The following TMEM117 variants were observed in gnomAD, a reference collection of about 807,000 sequenced individuals.
The protein encoded by TMEM117 is transmembrane protein 117.
A neutral mutation model predicts 52.4 loss-of-function variants in TMEM117; 27 were observed. The observed-to-expected ratio is 0.51, with a 90% CI of 0.38 to 0.71. The LOEUF is 0.71. Ranked by LOEUF, TMEM117 falls within the 30% of genes least tolerant of loss-of-function variation. The probability of loss-of-function intolerance (pLI) is 0.00; values close to 1 mark genes in which losing one functional copy is unlikely to be tolerated. For synonymous variants in TMEM117, 215 were observed against 206.3 expected (o/e 1.04, Z -0.36); for missense variants, 556 against 630.5 (o/e 0.88, Z 1.26).
chr12:44,065,159 C>T (rs1311093119), intron 3 of TMEM117, among the ~76,000 whole-genome samples: 1 of 152,044 alleles, frequency 6.6e-6, no homozygotes, highest in Non-Finnish European at 1.5e-5. Flanking sequence ...CTGAGGCGGG[C>T]AGATCACTTG....
At chr12:44,153,127 G>A (rs1408312848) in intron 4 of TMEM117, among the ~76,000 whole-genome samples, 1 of 151,504 alleles carries the variant, frequency 6.6e-6, no homozygotes, top group African/African-American at 2.4e-5. Flanking sequence ...TCATTTTATT[G>A]TATCATTAAC....
In TMEM117 at chr12:44,046,015, G is replaced by A. The variant is rs370106185; in HGVS notation, c.411-97510G>A. ...AGGTGACGATAATTTGCAGGGTTGG[G>A]GCAAAGTTCTCCAGAAGGCCAAGTA... On this transcript the variant is annotated intron_variant, in intron 3 of 7. Transcript: ENST00000266534. Among the ~76,000 whole-genome samples, 121 of 152,262 alleles carry A rather than the reference G, an allele frequency of 7.9e-4. 2 individuals carry two copies. In the South Asian group the frequency reaches 0.024, roughly 30 times the overall value.
intron 5 of TMEM117, among the ~76,000 whole-genome samples, chr12:44,274,198 A>C (rs901744510): frequency 6.6e-6 from 1 of 152,144 alleles, no homozygotes. Context: ...TTAAAAAGTA[A>C]TCCCAGTGGC....
intron 4 of TMEM117, among the ~76,000 whole-genome samples, chr12:44,163,785 T>C (rs1233850594): frequency 2.0e-5 from 3 of 152,234 alleles, no homozygotes; most frequent in Admixed American, 2.0e-4. Context: ...TTCTAAAATA[T>C]AACATCCTAG....
intron 3 of TMEM117, among the ~76,000 whole-genome samples, chr12:43,990,093 A>C (rs938110432): frequency 2.0e-5 from 3 of 152,178 alleles, no homozygotes; most frequent in Admixed American, 6.6e-5. Flanking sequence ...GATCTGCCTT[A>C]GGAAATATTA....
chr12:44,377,447 G>C lies in TMEM117; in HGVS notation c.898+723G>C, dbSNP rs144936016. Among the ~76,000 whole-genome samples the C allele has an allele frequency of 1.9e-4, 29 of 152,258 alleles. 1 individual carries two copies. In the East Asian group the frequency reaches 5.0e-3, roughly 26 times the overall value. On this transcript the variant is annotated intron_variant, in intron 7 of 7. Transcript: ENST00000266534. Reference sequence around the variant, plus strand: ...GTGGCAAAGCTCAGGTTTGTCTTAAGTGATTCTCTTGTGGATCTTCAGATT... The same window carrying C: ...GTGGCAAAGCTCAGGTTTGTCTTAACTGATTCTCTTGTGGATCTTCAGATT...
At chr12:44,035,034 A>G (rs570208287) in intron 3 of TMEM117, among the ~76,000 whole-genome samples, 3 of 152,306 alleles carry the variant, frequency 2.0e-5, no homozygotes, top group South Asian at 4.1e-4. Context: ...AATTTCCACT[A>G]TCAGCTCCCA....
At chr12:43,912,529 A>ATATATC (rs938246430) in intron 2 of TMEM117, among the ~76,000 whole-genome samples, 1 of 147,216 alleles carries the variant, frequency 6.8e-6, no homozygotes, top group African/African-American at 2.6e-5. Flanking sequence ...ATATATATAT[A>ATATATC]TATATATGGC....
intron 4 of TMEM117, among the ~76,000 whole-genome samples, chr12:44,167,527 G>A (rs1321322083): frequency 6.6e-6 from 1 of 152,050 alleles, no homozygotes; most frequent in Non-Finnish European, 1.5e-5. Context: ...AATTAGCTGG[G>A]CATGGTGGCA....
intron 3 of TMEM117, among the ~76,000 whole-genome samples, chr12:44,139,735 T>C (rs1948544312): frequency 6.6e-6 from 1 of 152,150 alleles, no homozygotes. Context: ...ACAAAATAAC[T>C]TTAATTGTGC....
the TMEM117 span, among the ~76,000 whole-genome samples, chr12:44,397,218 C>A: frequency 6.6e-6 from 1 of 152,138 alleles, no homozygotes; most frequent in East Asian, 1.9e-4. Flanking sequence ...ATTTCTGAAA[C>A]AAGAGTGCAA....
intron 3 of TMEM117, among the ~76,000 whole-genome samples, chr12:43,963,832 T>C (rs1049808000): frequency 1.3e-5 from 2 of 152,194 alleles, no homozygotes; most frequent in African/African-American, 4.8e-5. Context: ...TTGGAGAATT[T>C]AATGAACTCC....
rs1263279848 is a variant in TMEM117, at chr12:44,110,003, CTGTT to C, written c.411-33518_411-33515del. 3.0e-3 allele frequency among the ~76,000 whole-genome samples: 281 copies of C among 93,094 alleles called. 3 individuals are homozygous for C. Among genetic ancestry groups the C allele is most frequent in the African/African-American group, 0.015 (261 of 17,868 alleles). The allele number at this position is 93,094 out of a possible 152,430, so 61.1% of individuals were successfully genotyped here. On this transcript the variant is annotated intron_variant, in intron 3 of 7. Coordinates refer to ENST00000266534, the MANE Select transcript of TMEM117 (RefSeq NM_032256.3). ...GGGAGTTCACCCATGATTTGGCTCT[CTGTT>C]TGTCTGTTGTTGGTGTATAAGAATG...
chr12:43,935,617 A>G lies in TMEM117; in HGVS notation c.278-8593A>G, dbSNP rs1289186918. The stretch of plus-strand genomic sequence containing the variant: ...ATAGCAGATTTTGAGCTAATCTCTC[A>G]CTGACAAAGCAAATCATAAATCTCG... On this transcript the variant is annotated intron_variant, in intron 2 of 7. Transcript: ENST00000266534. 2.6e-5 allele frequency among the ~76,000 whole-genome samples: 4 copies of G among 152,196 alleles called. No individual in the cohort carries two copies. In the East Asian group the frequency reaches 7.7e-4, roughly 29 times the overall value.
At chr12:44,071,941 C>A (rs750943363) in intron 3 of TMEM117, among the ~76,000 whole-genome samples, 6 of 152,124 alleles carry the variant, frequency 3.9e-5, no homozygotes, top group Non-Finnish European at 7.4e-5. Context: ...GTTTAGTAAG[C>A]ATCCAGGCTT....
At chr12:44,150,630 A>T (rs1211898519) in intron 4 of TMEM117, among the ~76,000 whole-genome samples, 1 of 152,198 alleles carries the variant, frequency 6.6e-6, no homozygotes, top group Non-Finnish European at 1.5e-5. Context: ...TGAGGGAAGT[A>T]AATGTGGTCA....
At chr12:44,035,999 T>C (rs755083218) in intron 3 of TMEM117, among the ~76,000 whole-genome samples, 44 of 152,170 alleles carry the variant, frequency 2.9e-4, no homozygotes, top group Admixed American at 2.0e-4. Flanking sequence ...TCCCACTAAG[T>C]GTTTTCTAGC....
Position 44,053,640 on chromosome 12 carries a change from A to T in TMEM117, c.411-89885A>T, listed in dbSNP as rs373420621. The stretch of plus-strand genomic sequence containing the variant: ...CTGGCAGCCAGCCTCCCCACCCCAC[A>T]TCCATGAACCACTTTGCTGGCATAA... On this transcript the variant is annotated intron_variant, in intron 3 of 7. Coordinates refer to ENST00000266534, the MANE Select transcript of TMEM117 (RefSeq NM_032256.3). 8.5e-5 allele frequency among the ~76,000 whole-genome samples: 13 copies of T among 152,094 alleles called. 1 individual carries two copies. Among genetic ancestry groups the T allele is most frequent in the Admixed American group, 7.2e-4 (11 of 15,258 alleles).
intron 3 of TMEM117, among the ~76,000 whole-genome samples, chr12:44,022,437 A>C (rs1442628282): frequency 6.6e-6 from 1 of 152,206 alleles, no homozygotes; most frequent in African/African-American, 2.4e-5. Flanking sequence ...TAACCGTCAA[A>C]TGAGGATAAC....
Sources: allele counts gnomAD v4.1 joint callset (sites outside exome capture counted in the v4.1 genomes callset), GRCh38; gene constraint gnomAD v4.1.1; transcripts MANE v1.5; gene names NCBI Gene and HGNC (gene_info 2026-07-23, HGNC 2026-07-21).